CAPN13: variants seen among roughly 807,000 people sequenced by gnomAD.
CAPN13 encodes calpain 13.
CAPN13 carries 90 observed loss-of-function variants against 98.4 expected under a neutral mutation model. That is an observed-to-expected ratio of 0.92 (90% CI 0.77 to 1.09). CAPN13 has a LOEUF of 1.09. Among genes scored for constraint, CAPN13 ranks in the 50% least tolerant of loss-of-function variants. The probability of loss-of-function intolerance (pLI) is 0.00; values close to 1 mark genes in which losing one functional copy is unlikely to be tolerated. For missense variants in CAPN13, 887 were observed against 841.3 expected, an observed-to-expected ratio of 1.05 and a Z score of -0.67; for synonymous variants, 330 against 305.5, an observed-to-expected ratio of 1.08 and a Z score of -0.84.
rs1196811900 is a variant in CAPN13 at position 30,751,159 on chromosome 2, G to A, written c.1180C>T (p.Pro394Ser). The change falls in exon 11 of 23, where the codon CCA becomes TCA. Residue 394 changes from proline (P) to serine (S), a missense_variant. Coordinates refer to ENST00000295055, the MANE Select transcript of CAPN13 (RefSeq NM_144575.3). ...VVVCVTVAVT[P>S]SNLKAEDAKF... Reference sequence around the variant, plus strand: ...GCATCTTCTGCTTTCAAATTTGATGGTGTGACAGCAACTGTGACGCACACG... The same window carrying A: ...GCATCTTCTGCTTTCAAATTTGATGATGTGACAGCAACTGTGACGCACACG... The A allele has an allele frequency of 1.9e-6, 3 of 1,613,738 alleles. No homozygotes were observed. Among genetic ancestry groups the A allele is most frequent in the Admixed American group, 3.3e-5 (2 of 59,974 alleles).
rs184097134 is a variant in CAPN13, at chr2:30,794,450, T to C, written c.-32-7093A>G. The stretch of plus-strand genomic sequence containing the variant: ...GGAACTTTCATACACTCTCAGTAGA[T>C]ATGTAAATTGGTATGACTACATTAG... On this transcript the variant is annotated intron_variant, in intron 1 of 22. Transcript: ENST00000295055. 8.2e-4 allele frequency among the ~76,000 whole-genome samples: 125 copies of C among 152,014 alleles called. 1 individual carries two copies. The highest frequency in any genetic ancestry group is 2.9e-3 in the African/African-American group (120 of 41,560).
chr2:30,782,754 C>T (rs767131718), intron 2 of CAPN13, among the ~76,000 whole-genome samples: 1 of 152,176 alleles, frequency 6.6e-6, no homozygotes, highest in Non-Finnish European at 1.5e-5. Flanking sequence ...AGAAGTAAAA[C>T]GTCTTTTACT....
At chr2:30,758,231 A>G (rs1672560466) in intron 7 of CAPN13, 94 bp from the exon 8 acceptor site, 3 of 891,386 alleles carry the variant, frequency 3.4e-6, no homozygotes, top group Admixed American at 3.1e-5. Context: ...CCAAGGACCA[A>G]TTTAACTTCT....
chr2:30,744,175 T>G (rs1055603134), intron 12 of CAPN13, among the ~76,000 whole-genome samples: 11 of 152,218 alleles, frequency 7.2e-5, no homozygotes, highest in African/African-American at 2.7e-4. Context: ...GAAAACCCCT[T>G]GCTAAACAAA....
In CAPN13 at chr2:30,758,135, A is replaced by C; in HGVS notation, c.777T>G (p.Ile259Met). The C allele has an allele frequency of 6.3e-7, 1 of 1,596,824 alleles. No individual in the cohort carries two copies. Among genetic ancestry groups the C allele is most frequent in the Non-Finnish European group, 8.5e-7 (1 of 1,172,152 alleles). Residue 259 changes from isoleucine to methionine, a missense_variant and splice_region_variant, in exon 8 of 23, where the codon ATT (isoleucine) becomes ATG (methionine). Ile to Met is a conservative substitution (Grantham distance 10, BLOSUM62 1). Transcript: ENST00000295055. ...HAYTVTGAEQ[I>M]QYRRGWEEII... ...TTTCTTCCCAGCCCCTTCGGTATTG[A>C]ATCTGTAAAGAAAACAGAAAAGGAA...
At chr2:30,725,662 A>G (rs1203509985) in intron 22 of CAPN13, among the ~76,000 whole-genome samples, 1 of 152,174 alleles carries the variant, frequency 6.6e-6, no homozygotes, top group African/African-American at 2.4e-5. Flanking sequence ...GTGAGCAAGG[A>G]GAGGGACTTC....
chr2:30,798,863 T>A (rs772594174), intron 1 of CAPN13, among the ~76,000 whole-genome samples: 3 of 152,136 alleles, frequency 2.0e-5, no homozygotes, highest in Non-Finnish European at 2.9e-5. Context: ...AGGCTGGGGC[T>A]GACACTCTCT....
At chr2:30,795,335 T>C (rs1283035490) in intron 1 of CAPN13, among the ~76,000 whole-genome samples, 1 of 152,118 alleles carries the variant, frequency 6.6e-6, no homozygotes, top group East Asian at 1.9e-4. Flanking sequence ...TCACTAAGTA[T>C]GCCAAATTAT....
Position 30,754,298 on chromosome 2 carries a change from G to T in CAPN13, c.933C>A (p.Gly311=), listed in dbSNP as rs762440070. 1.2e-6 allele frequency: 2 copies of T among 1,602,736 alleles called. No individual in the cohort carries two copies. The highest frequency in any genetic ancestry group is 1.7e-6 in the Non-Finnish European group (2 of 1,175,006). ...KSQLHKKRED[G]EFWMSCQDFQ... ...ATAAGAAGGGTAAATACCAAAACTCGCCATCTTCCCGTTTCTTATGTAGCT... is the reference window on the plus strand; with the variant it reads ...ATAAGAAGGGTAAATACCAAAACTCTCCATCTTCCCGTTTCTTATGTAGCT... Residue 311 remains glycine, a synonymous_variant, in exon 9 of 23, where the codon GGC becomes GGA. Transcript: ENST00000295055.
At chr2:30,758,837 C>G (rs551817384) in intron 7 of CAPN13, among the ~76,000 whole-genome samples, 1 of 129,120 alleles carries the variant, frequency 7.7e-6, no homozygotes, top group African/African-American at 3.0e-5. Context: ...TCCTCCCTTC[C>G]TTCTTTCCCT....
chr2:30,743,328 T>A, intron 13 of CAPN13, 55 bp downstream of exon 13: 1 of 1,462,886 alleles, frequency 6.8e-7, no homozygotes, highest in Non-Finnish European at 9.6e-7. Context: ...TTACACAATG[T>A]GTTTTTATAA....
intron 1 of CAPN13, among the ~76,000 whole-genome samples, chr2:30,799,418 G>A (rs1395200429): frequency 1.3e-5 from 2 of 152,228 alleles, no homozygotes; most frequent in Non-Finnish European, 2.9e-5. Flanking sequence ...CCATGCATGT[G>A]TGGCCTGAAT....
At chr2:30,743,042 G>A (rs776443671) in intron 13 of CAPN13, 27 of 270,866 alleles carry the variant, frequency 1.0e-4, no homozygotes, top group African/African-American at 1.3e-4. Flanking sequence ...GGCTACCATC[G>A]CCTTCCCTTT....
chr2:30,800,216 C>T (rs2148112976), intron 1 of CAPN13, among the ~76,000 whole-genome samples: 1 of 149,442 alleles, frequency 6.7e-6, no homozygotes, highest in Middle Eastern at 3.7e-3. Context: ...GAACAGGTAC[C>T]AGAGAAGTAA....
chr2:30,805,056 CT>C (rs1675529989), intron 1 of CAPN13, among the ~76,000 whole-genome samples: 1 of 152,202 alleles, frequency 6.6e-6, no homozygotes, highest in African/African-American at 2.4e-5. Flanking sequence ...CTTCTGACCA[CT>C]TCTGGACTCA....
At chr2:30,773,862 AT>A (rs1219575933) in intron 4 of CAPN13, among the ~76,000 whole-genome samples, 1 of 152,254 alleles carries the variant, frequency 6.6e-6, no homozygotes, top group Non-Finnish European at 1.5e-5. Flanking sequence ...TTAATTCAGT[AT>A]GTAAAACTTA....
At chr2:30,806,044 T>C (rs573173397) in intron 1 of CAPN13, 2 of 152,312 alleles carry the variant, frequency 1.3e-5, no homozygotes, top group East Asian at 3.9e-4. Flanking sequence ...CCTCCCAAAG[T>C]GTTGAGATTA....
chr2:30,770,974 C>G (rs1281030926), intron 4 of CAPN13, among the ~76,000 whole-genome samples: 2 of 152,212 alleles, frequency 1.3e-5, no homozygotes, highest in Admixed American at 6.5e-5. Flanking sequence ...GGCCTGGAGA[C>G]AGATGACATG....
chr2:30,725,890 G>A (rs1204591824), intron 22 of CAPN13, among the ~76,000 whole-genome samples: 1 of 152,154 alleles, frequency 6.6e-6, no homozygotes, highest in African/African-American at 2.4e-5. Context: ...GGGTCATGAT[G>A]TATTAGAGAT....
Sources: gnomAD v4.1 joint callset for allele counts (sites outside exome capture counted in the v4.1 genomes callset) on GRCh38, gnomAD v4.1.1 for gene constraint, MANE v1.5 for transcripts, NCBI Gene and HGNC (gene_info 2026-07-23, HGNC 2026-07-21) for gene names.